Variants in TNFAIP6 observed in about 807,000 individuals in gnomAD.
The protein encoded by TNFAIP6 is tumor necrosis factor-inducible gene 6 protein.
TNFAIP6 carries 36 observed loss-of-function variants against 33.7 expected under a neutral mutation model. That is an observed-to-expected ratio of 1.07 (90% CI 0.82 to 1.41). The LOEUF (loss-of-function observed/expected upper bound fraction) is 1.41. TNFAIP6 is among the 40% of genes most tolerant of loss of function. The pLI, the probability that TNFAIP6 is intolerant of heterozygous loss-of-function variation, is 0.00. For synonymous variants in TNFAIP6, 113 were observed against 112.8 expected (o/e 1.00, Z -0.01); for missense variants, 273 against 331.9 (o/e 0.82, Z 1.38).
chr2:151,369,998 GT>G (rs746822731), intron 3 of TNFAIP6, 21 bp from the exon 4 acceptor site: 20 of 1,558,608 alleles, frequency 1.3e-5, no homozygotes, highest in Admixed American at 1.9e-5. Context: ...GGGTTTTTAC[GT>G]TTTTTTTCTT....
intron 5 of TNFAIP6, among the ~76,000 whole-genome samples, chr2:151,376,790 T>C (rs1446922666): frequency 6.6e-6 from 1 of 151,882 alleles, no homozygotes; most frequent in East Asian, 1.9e-4. Flanking sequence ...TTTTAAAACC[T>C]CTGTCTTTAC....
At position 151,368,779 on chromosome 2, in the gene TNFAIP6, T is replaced by C. The variant is rs10201647; in HGVS notation, c.395-1241T>C. 7.2e-3 allele frequency among the ~76,000 whole-genome samples: 1,100 copies of C among 152,264 alleles called. 16 individuals are homozygous for C. Among genetic ancestry groups the C allele is most frequent in the African/African-American group, 0.025 (1,053 of 41,538 alleles). Reference sequence around the variant, plus strand: ...GTATAATGATTTTCCAAGCAGAATTTATGGGATCCATTATTCTAAGTGCTT... The same window carrying C: ...GTATAATGATTTTCCAAGCAGAATTCATGGGATCCATTATTCTAAGTGCTT... On this transcript the variant is annotated intron_variant, in intron 3 of 5. Transcript: ENST00000243347.
intron 4 of TNFAIP6, among the ~76,000 whole-genome samples, chr2:151,370,926 C>T (rs972671286): frequency 6.6e-6 from 1 of 152,026 alleles, no homozygotes; most frequent in Non-Finnish European, 1.5e-5. Context: ...CAAAAATTAG[C>T]CGGGCGTGGT....
chr2:151,372,607 T>C (rs1684836229), intron 4 of TNFAIP6, among the ~76,000 whole-genome samples: 1 of 152,184 alleles, frequency 6.6e-6, no homozygotes, highest in Admixed American at 6.5e-5. Context: ...TGAAGAAAAC[T>C]TTATAAAATT....
intron 3 of TNFAIP6, chr2:151,368,385 A>G (rs370179731): frequency 6.1e-5 from 9 of 147,224 alleles, no homozygotes; most frequent in East Asian, 6.1e-4. Context: ...TCAAAGCAGA[A>G]CAGGAGCATA....
At chr2:151,364,210 T>A in intron 2 of TNFAIP6, 130 bp downstream of exon 2, 9 of 1,187,500 alleles carry the variant, frequency 7.6e-6, no homozygotes, top group Non-Finnish European at 1.0e-5. Flanking sequence ...AGGACATTTC[T>A]GCTCTCTGAC....
intron 1 of TNFAIP6, among the ~76,000 whole-genome samples, chr2:151,359,581 A>T (rs28445248): frequency 2.0e-5 from 3 of 151,952 alleles, no homozygotes; most frequent in African/African-American, 4.8e-5. Context: ...GTAGAGACAG[A>T]GTTTCACCAT....
At chr2:151,363,915 G>A in intron 1 of TNFAIP6, 28 bp from the exon 2 acceptor site, 1 of 1,609,886 alleles carries the variant, frequency 6.2e-7, no homozygotes, top group East Asian at 2.2e-5. Flanking sequence ...GAACAACAGT[G>A]CTTTTATGAC....
chr2:151,378,664 T>C (rs1291014124), intron 5 of TNFAIP6, among the ~76,000 whole-genome samples: 1 of 151,822 alleles, frequency 6.6e-6, no homozygotes, highest in Non-Finnish European at 1.5e-5. Flanking sequence ...ATTTTTTGTA[T>C]TTTTAATAGA....
At chr2:151,360,398 C>A (rs952650893) in intron 1 of TNFAIP6, among the ~76,000 whole-genome samples, 2 of 152,198 alleles carry the variant, frequency 1.3e-5, no homozygotes, top group Admixed American at 6.5e-5. Context: ...GAAACTGAGG[C>A]TCATCTGGTT....
chr2:151,375,181 G>A (rs7581674), intron 5 of TNFAIP6, among the ~76,000 whole-genome samples: 26,121 of 137,014 alleles, frequency 0.19, 2,720 homozygotes, highest in African/African-American at 0.3. Context: ...TTTCTCTAAA[G>A]TAGACAACTT....
At position 151,379,634 on chromosome 2, in the gene TNFAIP6, C is replaced by T; in HGVS notation, c.*101C>T. On this transcript the variant is annotated 3_prime_UTR_variant, in exon 6 of 6. Transcript: ENST00000243347. ...TTATTAACATTTATTTATTATTTTT[C>T]TAAATGTGAAAGCAATACATAATTT... 1.1e-6 allele frequency: 1 copy of T among 926,530 alleles called. No individual in the cohort carries two copies. The highest frequency in any genetic ancestry group is 1.4e-6 in the Non-Finnish European group (1 of 696,920). 57.4% of individuals were successfully genotyped at this position (926,530 alleles called of 1,614,324 possible).
intron 1 of TNFAIP6, among the ~76,000 whole-genome samples, chr2:151,362,480 CTTTTTTTTTTTTTT>C (rs34640251): frequency 1.8e-5 from 1 of 56,940 alleles, no homozygotes; most frequent in African/African-American, 8.3e-5. Context: ...TTACTAAATT[CTTTTTTTTTTTTTT>C]TTTTTTTTTT....
In TNFAIP6 at chr2:151,364,014, G is replaced by A. The variant is rs372855249; in HGVS notation, c.166G>A (p.Ala56Thr). Residue 56 changes from alanine to threonine, a missense_variant, in exon 2 of 6, where the codon GCG (alanine) becomes ACG (threonine). By Grantham distance (58) the Ala-to-Thr change is moderately conservative. Coordinates refer to ENST00000243347, the MANE Select transcript of TNFAIP6 (RefSeq NM_007115.4). ...KYKLTYAEAKAVCEFEGGHLA... is the reference protein window; with the variant it reads ...KYKLTYAEAKTVCEFEGGHLA... ...CAAGCTCACCTACGCAGAAGCTAAGGCGGTGTGTGAATTTGAAGGCGGCCA... is the reference window on the plus strand; with the variant it reads ...CAAGCTCACCTACGCAGAAGCTAAGACGGTGTGTGAATTTGAAGGCGGCCA... The A allele has an allele frequency of 6.2e-7, 1 of 1,614,088 alleles. No homozygotes were observed. Among genetic ancestry groups the A allele is most frequent in the African/African-American group, 1.3e-5 (1 of 75,032 alleles).
At chr2:151,370,271 G>A (rs749524716) in intron 4 of TNFAIP6, 23 bp downstream of exon 4, 1 of 1,518,200 alleles carries the variant, frequency 6.6e-7, no homozygotes, top group Non-Finnish European at 9.1e-7. Context: ...CCCCATACAG[G>A]AAGTTAAATG....
At chr2:151,373,683 T>C in intron 5 of TNFAIP6, 94 bp downstream of exon 5, 2 of 635,310 alleles carry the variant, frequency 3.1e-6, no homozygotes, top group Non-Finnish European at 5.0e-6. Context: ...ATAGTAGTTA[T>C]TATTCACTTT....
intron 1 of TNFAIP6, among the ~76,000 whole-genome samples, chr2:151,358,837 C>A (rs1010805152): frequency 6.6e-6 from 1 of 151,908 alleles, no homozygotes; most frequent in Non-Finnish European, 1.5e-5. Context: ...TTGGCCAAGA[C>A]GGGATCTGAA....
chr2:151,367,388 T>C (rs1684731253), intron 3 of TNFAIP6, among the ~76,000 whole-genome samples: 1 of 152,216 alleles, frequency 6.6e-6, no homozygotes, highest in African/African-American at 2.4e-5. Context: ...GTCAACAATA[T>C]GTATCTTCCT....
At chr2:151,369,091 G>A (rs185035194) in intron 3 of TNFAIP6, among the ~76,000 whole-genome samples, 86 of 152,208 alleles carry the variant, frequency 5.7e-4, no homozygotes, top group African/African-American at 2.0e-3. Flanking sequence ...TACTCAGAAG[G>A]CTGAGGCATA....
Sources: gnomAD v4.1 joint callset for allele counts (sites outside exome capture counted in the v4.1 genomes callset) on GRCh38, gnomAD v4.1.1 for gene constraint, MANE v1.5 for transcripts, NCBI Gene and HGNC (gene_info 2026-07-23, HGNC 2026-07-21) for gene names.